The following MTOR variants were observed in gnomAD, a reference collection of about 807,000 sequenced individuals.
The protein encoded by MTOR is mechanistic target of rapamycin kinase, also known as serine/threonine-protein kinase mTOR.
In MTOR, 70 loss-of-function variants were observed where a neutral mutation model predicts 319.8. The ratio of observed to expected loss-of-function variants is 0.22; its 90% CI spans 0.18 to 0.27. The LOEUF is 0.27. MTOR is among the 10% of genes least tolerant of loss of function. MTOR has a pLI of 1.00. For missense variants in MTOR, 1,890 were observed against 3,274.4 expected, an observed-to-expected ratio of 0.58 and a Z score of 10.32; for synonymous variants, 1,183 against 1,211.4, an observed-to-expected ratio of 0.98 and a Z score of 0.49.
At chr1:11,174,073 C>G (rs1190371240) in intron 28 of MTOR, among the ~76,000 whole-genome samples, 2 of 152,204 alleles carry the variant, frequency 1.3e-5, no homozygotes, top group Non-Finnish European at 2.9e-5. Flanking sequence ...AGGTCACAGG[C>G]TATTGCCTTC....
rs1645631423 is a variant in MTOR at position 11,193,463 on chromosome 1, G to A, written c.4253+5795C>T. 2.5e-5 allele frequency: 22 copies of A among 870,226 alleles called. No individual in the cohort carries two copies. In the East Asian group the frequency reaches 5.7e-4, roughly 22 times the overall value. 53.9% of individuals were successfully genotyped at this position (870,226 alleles called of 1,614,324 possible). ...ACTGCCCGAGTGAGCCAGTGTGACTGCGGGAGTGCACACATCTACTGGCTC... is the reference window on the plus strand; with the variant it reads ...ACTGCCCGAGTGAGCCAGTGTGACTACGGGAGTGCACACATCTACTGGCTC... On this transcript the variant is annotated intron_variant, in intron 28 of 57. Transcript: ENST00000361445.
At chr1:11,213,665 G>A in intron 20 of MTOR, 99 bp from the exon 21 acceptor site, 3 of 1,157,574 alleles carry the variant, frequency 2.6e-6, no homozygotes, top group African/African-American at 1.5e-5. Context: ...ACTGTAGTGA[G>A]CATGGTCTGC....
At chr1:11,130,886 G>A in intron 38 of MTOR, 109 bp from the exon 39 acceptor site, 1 of 1,383,964 alleles carries the variant, frequency 7.2e-7, no homozygotes, top group Non-Finnish European at 9.6e-7. Flanking sequence ...TGTTCTGTGT[G>A]TCCATAAAGC....
Position 11,109,849 on chromosome 1 carries a change from G to T in MTOR, c.7367-120C>A, listed in dbSNP as rs1425655537. The T allele has an allele frequency of 6.3e-6, 5 of 799,024 alleles. No homozygotes were observed. Among genetic ancestry groups the T allele is most frequent in the Non-Finnish European group, 1.0e-5 (5 of 480,048 alleles). The allele number at this position is 799,024 out of a possible 1,614,324, so 49.5% of individuals were successfully genotyped here. ...CGCCTGCCCTACCTACCCTAAAGGGGAAAAGAGAAGGAAAGTTTTATGTTA... is the reference window on the plus strand; with the variant it reads ...CGCCTGCCCTACCTACCCTAAAGGGTAAAAGAGAAGGAAAGTTTTATGTTA... On this transcript the variant is annotated intron_variant, in intron 54 of 57. Coordinates refer to ENST00000361445, the MANE Select transcript of MTOR (RefSeq NM_004958.4). This position sits in a 1 kb window ranked among gnomAD's most constrained non-coding sequence, Gnocchi z 4.0.
intron 30 of MTOR, among the ~76,000 whole-genome samples, chr1:11,156,272 G>C (rs917452404): frequency 2.0e-5 from 3 of 152,224 alleles, no homozygotes; most frequent in African/African-American, 7.2e-5. Context: ...TTACAGGTGT[G>C]AGCCACTGTG....
intron 29 of MTOR, among the ~76,000 whole-genome samples, chr1:11,158,288 C>T (rs1240099410): frequency 6.6e-6 from 1 of 152,204 alleles, no homozygotes; most frequent in East Asian, 1.9e-4. Context: ...ACTAGTTTCT[C>T]CCATTACCCT....
At chr1:11,226,219 T>C (rs567252072) in intron 19 of MTOR, 7 of 152,302 alleles carry the variant, frequency 4.6e-5, no homozygotes, top group African/African-American at 7.2e-5. Context: ...GTATTCTCTT[T>C]ATATGAGAAT....
intron 19 of MTOR, among the ~76,000 whole-genome samples, chr1:11,223,695 T>TA (rs1284138460): frequency 2.0e-5 from 3 of 151,828 alleles, no homozygotes; most frequent in Admixed American, 6.6e-5. Context: ...AAAAGAAAGA[T>TA]AAACAGACAA....
At chr1:11,222,773 A>AT (rs900692857) in intron 19 of MTOR, among the ~76,000 whole-genome samples, 4 of 151,918 alleles carry the variant, frequency 2.6e-5, no homozygotes, top group South Asian at 2.1e-4. Flanking sequence ...TAATAAAAAA[A>AT]ATATATATAT....
At position 11,209,536 on chromosome 1, in the gene MTOR, G is replaced by A. The variant is rs923505506; in HGVS notation, c.3655-78C>T. 1.9e-6 allele frequency: 3 copies of A among 1,562,454 alleles called. No individual in the cohort carries two copies. In the African/African-American group the frequency reaches 4.1e-5, roughly 21 times the overall value. On this transcript the variant is annotated intron_variant, in intron 24 of 57. Coordinates refer to ENST00000361445, the MANE Select transcript of MTOR (RefSeq NM_004958.4). ...TTTAGGAAATATCCTTAAATTTTGG[G>A]AGGTGCAGACCTGGTAGAGCCAGGA...
intron 29 of MTOR, among the ~76,000 whole-genome samples, chr1:11,167,240 A>G (rs1035576051): frequency 1.3e-5 from 2 of 152,046 alleles, no homozygotes; most frequent in African/African-American, 4.8e-5. Flanking sequence ...AACTTAAAGT[A>G]TAATTAAAAA....
chr1:11,136,844 ATT>A (rs113225104), intron 36 of MTOR, among the ~76,000 whole-genome samples: 7 of 129,548 alleles, frequency 5.4e-5, no homozygotes, highest in South Asian at 2.4e-4. Flanking sequence ...CTTAAATCTG[ATT>A]TTTTTTTTTT....
intron 53 of MTOR, 150 bp from the exon 54 acceptor site, chr1:11,113,067 G>A: frequency 2.5e-6 from 2 of 790,326 alleles, no homozygotes; most frequent in South Asian, 3.5e-5. Context: ...AGGAATAAGT[G>A]GGTGGGTATT....
intron 26 of MTOR, 91 bp downstream of exon 26, chr1:11,204,470 C>T (rs2100764310): frequency 4.2e-6 from 6 of 1,429,082 alleles, no homozygotes; most frequent in Non-Finnish European, 3.7e-6. Flanking sequence ...TTAAAAATAC[C>T]AGCCCCTTGA....
chr1:11,251,870 G>C (rs554822175), intron 6 of MTOR, among the ~76,000 whole-genome samples: 1 of 152,186 alleles, frequency 6.6e-6, no homozygotes, highest in Admixed American at 6.5e-5. Flanking sequence ...CTATGAGCTA[G>C]GTGATACTGT....
Position 11,139,551 on chromosome 1 carries a change from G to T in MTOR, c.4980C>A (p.Cys1660Ter). 6.2e-7 allele frequency: 1 copy of T among 1,614,176 alleles called. No individual in the cohort carries two copies. Among genetic ancestry groups the T allele is most frequent in the Non-Finnish European group, 8.5e-7 (1 of 1,180,044 alleles). The change falls in exon 35 of 58, where the codon TGC becomes TGA. Residue 1660 changes from cysteine (C) to a stop codon, truncating the protein, a stop_gained. Transcript: ENST00000361445. LOFTEE classifies it high-confidence loss of function. The stretch of plus-strand genomic sequence containing the variant: ...CACTCACCAGCCTGCCACTCTTGCC[G>T]CACAGGCTTGCATACTTGAGCCAGG... ...MRTWLKYASL[C>*]GKSGRLALAH...
rs201606091 is a variant in MTOR, at chr1:11,197,011, GA to G, written c.4253+2246del. Among the ~76,000 whole-genome samples the G allele has an allele frequency of 5.1e-4, 77 of 152,242 alleles. No homozygotes were observed. The East Asian group carries it at 0.015, about 29-fold the overall frequency. On this transcript the variant is annotated intron_variant, in intron 28 of 57. Coordinates refer to ENST00000361445, the MANE Select transcript of MTOR (RefSeq NM_004958.4). ...AGACAACTTGGTGAAGGGAAAATAA[GA>G]GTAGGAAAAATAAAACAAAGCCTGT...
At chr1:11,167,913 C>T (rs1010198243) in intron 28 of MTOR, among the ~76,000 whole-genome samples, 3 of 151,884 alleles carry the variant, frequency 2.0e-5, no homozygotes, top group Non-Finnish European at 4.4e-5. Flanking sequence ...ACTAAAAATA[C>T]AAAAAAATTA....
At chr1:11,222,763 T>A (rs75105228) in intron 19 of MTOR, among the ~76,000 whole-genome samples, 34 of 151,884 alleles carry the variant, frequency 2.2e-4, no homozygotes, top group Non-Finnish European at 3.5e-4. Flanking sequence ...ACATTTTTTT[T>A]AATAAAAAAA....
Sources: gnomAD v4.1 joint callset for allele counts (sites outside exome capture counted in the v4.1 genomes callset) on GRCh38, gnomAD v4.1.1 for gene constraint, Gnocchi (gnomAD v3.1) non-coding constraint, MANE v1.5 for transcripts, NCBI Gene and HGNC (gene_info 2026-07-23, HGNC 2026-07-21) for gene names.